The following DIP2C variants were observed in gnomAD, a reference collection of about 807,000 sequenced individuals.
DIP2C encodes the protein disco-interacting protein 2 homolog C.
Under a neutral mutation model 192.4 loss-of-function variants are expected in DIP2C, and 33 were observed. That is an observed-to-expected ratio of 0.17 (90% CI 0.13 to 0.23). The LOEUF (loss-of-function observed/expected upper bound fraction) is 0.23, where lower values mean the gene tolerates loss of function less well. DIP2C is among the 10% of genes least tolerant of loss of function. The pLI is 1.00. For synonymous variants in DIP2C, 979 were observed against 864.1 expected (o/e 1.13, Z -2.33); for missense variants, 1,537 against 2,110.1 (o/e 0.73, Z 5.32).
chr10:314,660 T>G (rs1340721334), intron 31 of DIP2C, among the ~76,000 whole-genome samples: 1 of 152,230 alleles, frequency 6.6e-6, no homozygotes, highest in African/African-American at 2.4e-5. Context: ...TGTGCTCGTC[T>G]GCTCCGCCTG....
intron 36 of DIP2C, among the ~76,000 whole-genome samples, chr10:279,818 C>T (rs935635732): frequency 8.5e-5 from 13 of 152,312 alleles, no homozygotes; most frequent in Admixed American, 6.5e-4. Flanking sequence ...GTAACAGCAG[C>T]GACATTTGTT....
At chr10:391,349 G>A (rs1201024529) in intron 10 of DIP2C, among the ~76,000 whole-genome samples, 1 of 152,236 alleles carries the variant, frequency 6.6e-6, no homozygotes, top group Non-Finnish European at 1.5e-5. Flanking sequence ...GGGCACCTCG[G>A]CCAGAGGAAG....
intron 3 of DIP2C, among the ~76,000 whole-genome samples, chr10:456,916 G>A (rs1485891814): frequency 6.6e-6 from 1 of 152,198 alleles, no homozygotes; most frequent in African/African-American, 2.4e-5. Context: ...TTTTCTTCAT[G>A]TGGACTGGAT....
intron 1 of DIP2C, chr10:667,798 CAACA>C (rs1415199971): frequency 2.0e-5 from 3 of 152,076 alleles, no homozygotes; most frequent in African/African-American, 7.3e-5. Context: ...TCATACAAAA[CAACA>C]TACACAACTC....
chr10:674,789 T>TATATATATATATATATATATATATAG, intron 1 of DIP2C, among the ~76,000 whole-genome samples: 3 of 62,484 alleles, frequency 4.8e-5, no homozygotes, highest in Admixed American at 2.0e-4. Flanking sequence ...TATATATATA[T>TATATATATATATATATATATATATAG]AGAGAGAGAG....
intron 1 of DIP2C, among the ~76,000 whole-genome samples, chr10:595,026 G>GC (rs1168663920): frequency 6.6e-6 from 1 of 152,202 alleles, no homozygotes; most frequent in East Asian, 1.9e-4. Flanking sequence ...GTCCCAAGGT[G>GC]CAGTGTGTCC....
At chr10:308,373 C>A (rs1327567026) in intron 32 of DIP2C, among the ~76,000 whole-genome samples, 1 of 151,888 alleles carries the variant, frequency 6.6e-6, no homozygotes, top group Non-Finnish European at 1.5e-5. Context: ...ATTTCAGATG[C>A]TTTCCAAAGC....
intron 1 of DIP2C, among the ~76,000 whole-genome samples, chr10:493,424 T>C (rs1844592127): frequency 6.6e-6 from 1 of 152,180 alleles, no homozygotes; most frequent in Non-Finnish European, 1.5e-5. Flanking sequence ...TTTCAGTGGA[T>C]GTTGTATTTA....
intron 17 of DIP2C, among the ~76,000 whole-genome samples, chr10:370,501 C>T (rs565548297): frequency 6.6e-6 from 1 of 152,376 alleles, no homozygotes; most frequent in Admixed American, 6.5e-5. Context: ...ACACCTCTGA[C>T]TACCTGTGCG....
At chr10:598,987 C>T (rs1234622520) in intron 1 of DIP2C, among the ~76,000 whole-genome samples, 2 of 152,256 alleles carry the variant, frequency 1.3e-5, no homozygotes, top group Admixed American at 6.5e-5. Context: ...GGCACAGGCA[C>T]GGCCCCCGGG....
At chr10:337,682 A>G (rs1366926137) in intron 29 of DIP2C, among the ~76,000 whole-genome samples, 8 of 137,512 alleles carry the variant, frequency 5.8e-5, no homozygotes, top group African/African-American at 2.3e-4. Flanking sequence ...TGTGTTGTGG[A>G]GGCCTAGGCA....
At chr10:452,918 G>C (rs1016543907) in intron 3 of DIP2C, among the ~76,000 whole-genome samples, 1 of 152,200 alleles carries the variant, frequency 6.6e-6, no homozygotes, top group Non-Finnish European at 1.5e-5. Flanking sequence ...ATCACCGGGA[G>C]GCCTGGCCAG....
chr10:366,469 G>C (rs955823151), intron 18 of DIP2C, 58 bp from the exon 19 acceptor site: 3 of 1,608,544 alleles, frequency 1.9e-6, no homozygotes, highest in Admixed American at 3.3e-5. Context: ...GGAGAATAAA[G>C]GAAACAGGGA....
chr10:394,922 G>A (rs1963849399), intron 10 of DIP2C, among the ~76,000 whole-genome samples: 1 of 152,002 alleles, frequency 6.6e-6, no homozygotes, highest in East Asian at 1.9e-4. Context: ...TGAACAGGAA[G>A]GACACTGTGC....
chr10:689,281 C>A lies in DIP2C; in HGVS notation c.85+213G>T, dbSNP rs545693241. ...CAGGGCGCGGGGAATCGCGGCCCCA[C>A]AAACGTCCCCAGAGCGCGGGGGATC... is the stretch of plus-strand genomic sequence containing the variant. On this transcript the variant is annotated intron_variant, in intron 1 of 36. Transcript: ENST00000280886. This position sits in a 1 kb window ranked among gnomAD's most constrained non-coding sequence, Gnocchi z 6.1. 5.7e-4 allele frequency among the ~76,000 whole-genome samples: 86 copies of A among 151,474 alleles called. No individual in the cohort carries two copies. Among genetic ancestry groups the A allele is most frequent in the African/African-American group, 2.1e-3 (85 of 41,354 alleles).
chr10:527,721 TATGAG>T (rs1313289660), intron 1 of DIP2C, among the ~76,000 whole-genome samples: 1 of 152,214 alleles, frequency 6.6e-6, no homozygotes, highest in East Asian at 1.9e-4. Flanking sequence ...TACAAGATGT[TATGAG>T]ATGAGTGAGA....
intron 6 of DIP2C, among the ~76,000 whole-genome samples, chr10:418,307 T>C (rs865985371): frequency 6.1e-5 from 9 of 147,568 alleles, no homozygotes; most frequent in Admixed American, 3.4e-4. Context: ...GGAGCTCGGA[T>C]AGGCCTCCCT....
At chr10:681,390 A>C (rs578112853) in intron 1 of DIP2C, among the ~76,000 whole-genome samples, 20 of 150,440 alleles carry the variant, frequency 1.3e-4, no homozygotes, top group Admixed American at 9.2e-4. Context: ...GCCACCATCT[A>C]TGGCCACAGA....
At chr10:384,276 T>A in intron 15 of DIP2C, 130 bp from the exon 16 acceptor site, 6 of 731,256 alleles carry the variant, frequency 8.2e-6, no homozygotes, top group Non-Finnish European at 1.1e-5. Context: ...CAAACCTTTT[T>A]TTTTTTTTTT....
Sources: allele counts gnomAD v4.1 joint callset (sites outside exome capture counted in the v4.1 genomes callset), GRCh38; gene constraint gnomAD v4.1.1; non-coding constraint Gnocchi (gnomAD v3.1); transcripts MANE v1.5; gene names NCBI Gene and HGNC (gene_info 2026-07-23, HGNC 2026-07-21).